CTNNA3: variants seen among roughly 807,000 people sequenced by gnomAD.
CTNNA3 encodes the protein catenin alpha-3.
In CTNNA3, 76 loss-of-function variants were observed where a neutral mutation model predicts 95.7. The observed-to-expected ratio is 0.79, with a 90% CI of 0.66 to 0.96. CTNNA3 has a LOEUF of 0.96. Among genes scored for constraint, CTNNA3 ranks in the 40% least tolerant of loss-of-function variants. The probability of loss-of-function intolerance (pLI) is 0.00; values close to 1 mark genes in which losing one functional copy is unlikely to be tolerated. For missense variants in CTNNA3, 1,191 were observed against 1,089.8 expected (o/e 1.09, Z -1.31); for synonymous variants, 431 against 374.4 (o/e 1.15, Z -1.74).
chr10:67,340,256 A>G (rs1016431085), intron 5 of CTNNA3, among the ~76,000 whole-genome samples: 1 of 152,234 alleles, frequency 6.6e-6, no homozygotes, highest in African/African-American at 2.4e-5. Context: ...TTATGTTTAA[A>G]TAATATTACC....
At chr10:67,236,485 G>T (rs1865462473) in intron 5 of CTNNA3, among the ~76,000 whole-genome samples, 1 of 136,002 alleles carries the variant, frequency 7.4e-6, no homozygotes, top group African/African-American at 2.7e-5. Flanking sequence ...CACAGGAAGG[G>T]GAACATCACA....
chr10:65,923,432 T>C (rs1589132764), intron 17 of CTNNA3, among the ~76,000 whole-genome samples: 1 of 152,334 alleles, frequency 6.6e-6, no homozygotes, highest in East Asian at 1.9e-4. Context: ...GCTAATTTTA[T>C]CCCAATACTG....
At chr10:66,174,906 G>A (rs528137356) in intron 13 of CTNNA3, among the ~76,000 whole-genome samples, 4 of 152,062 alleles carry the variant, frequency 2.6e-5, no homozygotes, top group South Asian at 2.1e-4. Context: ...AATTCAACCC[G>A]TGAATTTAAG....
At chr10:67,510,003 T>C (rs1564703209) in intron 5 of CTNNA3, among the ~76,000 whole-genome samples, 1 of 152,258 alleles carries the variant, frequency 6.6e-6, no homozygotes, top group Non-Finnish European at 1.5e-5. Flanking sequence ...TTGAAAAGTG[T>C]CTGTTCATAT....
chr10:66,319,952 A>C (rs1473414841), intron 12 of CTNNA3, among the ~76,000 whole-genome samples: 2 of 152,054 alleles, frequency 1.3e-5, no homozygotes. Context: ...ACTATTTAGA[A>C]AGGTCATTAG....
chr10:66,193,394 C>T (rs961984511), intron 13 of CTNNA3, among the ~76,000 whole-genome samples: 1 of 151,998 alleles, frequency 6.6e-6, no homozygotes, highest in African/African-American at 2.4e-5. Context: ...GATGGAGGGC[C>T]TAAGGAAAGA....
At chr10:66,521,359 T>G (rs4394727) in intron 10 of CTNNA3, among the ~76,000 whole-genome samples, 36,293 of 152,014 alleles carry the variant, frequency 0.24, 5,361 homozygotes, top group East Asian at 0.79. Context: ...ATGATTCTGG[T>G]AATTTAAACA....
chr10:67,726,432 C>CATATATAATATTATATT (rs1491155133), intron 1 of CTNNA3, among the ~76,000 whole-genome samples: 6 of 51,406 alleles, frequency 1.2e-4, no homozygotes, highest in Non-Finnish European at 1.7e-4. Flanking sequence ...TATATTATAT[C>CATATATAATATTATATT]ATATATAATA....
intron 15 of CTNNA3, among the ~76,000 whole-genome samples, chr10:65,992,426 A>G (rs574401029): frequency 6.6e-6 from 1 of 152,102 alleles, no homozygotes; most frequent in East Asian, 1.9e-4. Context: ...TCTACTGTGC[A>G]TTATTGTTCT....
intron 7 of CTNNA3, among the ~76,000 whole-genome samples, chr10:66,893,774 C>T (rs1388619535): frequency 6.6e-6 from 1 of 152,124 alleles, no homozygotes; most frequent in Non-Finnish European, 1.5e-5. Context: ...TGGCTACATA[C>T]TAAGTCCTTT....
At chr10:67,329,218 A>C (rs949870036) in intron 5 of CTNNA3, among the ~76,000 whole-genome samples, 1 of 152,146 alleles carries the variant, frequency 6.6e-6, no homozygotes, top group Non-Finnish European at 1.5e-5. Flanking sequence ...TAAAAATACA[A>C]AAATTAGCTG....
Position 66,344,394 on chromosome 10 carries a change from G to GTAGCTGGGATTACAGGCATGTGCCAC in CTNNA3, c.1732+34732_1732+34757dup, listed in dbSNP as rs532112839. Among the ~76,000 whole-genome samples, 763 of 151,488 alleles carry GTAGCTGGGATTACAGGCATGTGCCAC rather than the reference G, an allele frequency of 5.0e-3. 9 individuals carry two copies. Among genetic ancestry groups the GTAGCTGGGATTACAGGCATGTGCCAC allele is most frequent in the Middle Eastern group, 0.014 (4 of 294 alleles). On this transcript the variant is annotated intron_variant, in intron 12 of 17. Coordinates refer to ENST00000433211, the MANE Select transcript of CTNNA3 (RefSeq NM_013266.4). ...CGATTCTCCTGCCTCAGCCTCCTGA[G>GTAGCTGGGATTACAGGCATGTGCCAC]TAGCTGGGATTACAGGCATGTGCCA...
At chr10:67,746,416 A>T (rs1841375277) in intron 1 of CTNNA3, among the ~76,000 whole-genome samples, 1 of 152,194 alleles carries the variant, frequency 6.6e-6, no homozygotes, top group Non-Finnish European at 1.5e-5. Flanking sequence ...GAGATGGCTA[A>T]CTAGAAACAG....
At position 67,370,869 on chromosome 10, in the gene CTNNA3, G is replaced by GTTT. The variant is rs58583527; in HGVS notation, c.579+150970_579+150972dup. 2.8e-3 allele frequency among the ~76,000 whole-genome samples: 382 copies of GTTT among 136,294 alleles called. 1 individual carries two copies. The highest frequency in any genetic ancestry group is 9.7e-3 in the African/African-American group (358 of 37,024). 89.4% of individuals were successfully genotyped at this position (136,294 alleles called of 152,430 possible). On this transcript the variant is annotated intron_variant, in intron 5 of 17. Transcript: ENST00000433211. ...TACATGTTAAGAGGAAGTTTTTTTT[G>GTTT]TTTTTTTTTTTTTTTGAGACAGAGT...
At chr10:67,223,146 C>T (rs780030316) in intron 5 of CTNNA3, among the ~76,000 whole-genome samples, 1 of 152,138 alleles carries the variant, frequency 6.6e-6, no homozygotes, top group Non-Finnish European at 1.5e-5. Context: ...GGCAAAGGGG[C>T]AGGTGGCAGA....
chr10:66,288,976 C>A (rs1458491510), intron 12 of CTNNA3, among the ~76,000 whole-genome samples: 1 of 151,964 alleles, frequency 6.6e-6, no homozygotes, highest in Non-Finnish European at 1.5e-5. Context: ...CAACAAAAAA[C>A]ATAGTTTTCC....
chr10:66,162,642 G>A (rs1297981330), intron 13 of CTNNA3, among the ~76,000 whole-genome samples: 1 of 152,108 alleles, frequency 6.6e-6, no homozygotes, highest in Non-Finnish European at 1.5e-5. Context: ...CTCCATGAGG[G>A]TTCTTAGCTT....
intron 11 of CTNNA3, among the ~76,000 whole-genome samples, chr10:66,420,604 C>T (rs35813003): frequency 0.41 from 62,183 of 151,220 alleles, 13,799 homozygotes; most frequent in East Asian, 0.6. Context: ...ATTGAGACCA[C>T]CCTGGCTAAC....
intron 10 of CTNNA3, among the ~76,000 whole-genome samples, chr10:66,617,595 G>A (rs1399610471): frequency 6.6e-6 from 1 of 152,052 alleles, no homozygotes; most frequent in East Asian, 1.9e-4. Context: ...CAAACCCACA[G>A]CCAATATCAT....
Sources: gnomAD v4.1 joint callset for allele counts (sites outside exome capture counted in the v4.1 genomes callset) on GRCh38, gnomAD v4.1.1 for gene constraint, MANE v1.5 for transcripts, NCBI Gene and HGNC (gene_info 2026-07-23, HGNC 2026-07-21) for gene names.